The following DLG2 variants were observed in gnomAD, a reference collection of about 807,000 sequenced individuals.
The protein encoded by DLG2 is discs large MAGUK scaffold protein 2.
DLG2 carries 45 observed loss-of-function variants against 132.5 expected under a neutral mutation model. That is an observed-to-expected ratio of 0.34 (90% confidence interval 0.27 to 0.44). DLG2 has a LOEUF of 0.44. Ranked by LOEUF, DLG2 falls within the 20% of genes least tolerant of loss-of-function variation. The probability of loss-of-function intolerance (pLI) is 1.00; values close to 1 mark genes in which losing one functional copy is unlikely to be tolerated. For missense variants in DLG2, 1,045 were observed against 1,196.9 expected (o/e 0.87, Z 1.87); for synonymous variants, 424 against 419.6 (o/e 1.01, Z -0.13).
At chr11:83,823,931 T>C (rs2051664745) in intron 17 of DLG2, among the ~76,000 whole-genome samples, 1 of 152,150 alleles carries the variant, frequency 6.6e-6, no homozygotes, top group Non-Finnish European at 1.5e-5. Flanking sequence ...CAGACATAAG[T>C]AAACTGCCAA....
At chr11:85,362,083 A>G (rs1184062210) in intron 3 of DLG2, among the ~76,000 whole-genome samples, 2 of 152,102 alleles carry the variant, frequency 1.3e-5, no homozygotes, top group Non-Finnish European at 2.9e-5. Context: ...GATCCTTCCA[A>G]GTAGCTGGGA....
intron 3 of DLG2, among the ~76,000 whole-genome samples, chr11:85,488,655 A>AGTATTTAAAGGG (rs2093487207): frequency 6.6e-6 from 1 of 152,210 alleles, no homozygotes; most frequent in African/African-American, 2.4e-5. Flanking sequence ...AATAAACAAG[A>AGTATTTAAAGGG]GTATTCCCAG....
Position 84,051,170 on chromosome 11 carries a change from T to C in DLG2, c.919+8145A>G, listed in dbSNP as rs542671624. ...GAGAAATAGGAACACTTTTACACTG[T>C]TGGTGGGAGTGTAAACTAGTTCAAC... On this transcript the variant is annotated intron_variant, in intron 11 of 27. Transcript: ENST00000376104. Among the ~76,000 whole-genome samples the C allele has an allele frequency of 2.6e-5, 4 of 152,080 alleles. No homozygotes were observed. In the East Asian group the frequency reaches 7.8e-4, roughly 30 times the overall value.
At chr11:83,910,675 T>C (rs924820815) in intron 15 of DLG2, among the ~76,000 whole-genome samples, 2 of 152,148 alleles carry the variant, frequency 1.3e-5, no homozygotes, top group Admixed American at 1.3e-4. Flanking sequence ...ATATGTACAA[T>C]TATTAATACT....
chr11:85,413,697 G>C (rs2089552429), intron 3 of DLG2, among the ~76,000 whole-genome samples: 1 of 151,772 alleles, frequency 6.6e-6, no homozygotes, highest in African/African-American at 2.4e-5. Context: ...TTGCTTTGTT[G>C]ACGATCAGTT....
chr11:84,795,354 C>T (rs1237269076), intron 6 of DLG2, among the ~76,000 whole-genome samples: 2 of 152,040 alleles, frequency 1.3e-5, no homozygotes, highest in African/African-American at 2.4e-5. Context: ...ACAGGAGCTA[C>T]CCACTGTGGG....
At chr11:83,868,366 G>T (rs1462508901) in intron 16 of DLG2, among the ~76,000 whole-genome samples, 1 of 151,978 alleles carries the variant, frequency 6.6e-6, no homozygotes, top group African/African-American at 2.4e-5. Flanking sequence ...AAATCTTTTT[G>T]GGGGGAGCAG....
intron 6 of DLG2, among the ~76,000 whole-genome samples, chr11:84,821,634 A>T (rs2153983754): frequency 7.9e-6 from 1 of 127,306 alleles, no homozygotes; most frequent in Middle Eastern, 3.9e-3. Context: ...ATGTAAAAAA[A>T]AAAAAAACAA....
chr11:84,451,105 A>G (rs1478875283), intron 7 of DLG2, among the ~76,000 whole-genome samples: 1 of 151,890 alleles, frequency 6.6e-6, no homozygotes, highest in Admixed American at 6.6e-5. Flanking sequence ...TCAAGCAGCT[A>G]AAGAGTTGAG....
intron 3 of DLG2, among the ~76,000 whole-genome samples, chr11:85,498,149 G>A (rs561450330): frequency 1.3e-5 from 2 of 152,190 alleles, no homozygotes; most frequent in East Asian, 1.9e-4. Context: ...AAAATAAAGA[G>A]TCAAGAACCA....
chr11:83,855,536 C>T (rs1302540741), intron 16 of DLG2, among the ~76,000 whole-genome samples: 1 of 152,012 alleles, frequency 6.6e-6, no homozygotes, highest in Non-Finnish European at 1.5e-5. Context: ...ATGGAGGAAA[C>T]TTAAATGCAT....
intron 3 of DLG2, among the ~76,000 whole-genome samples, chr11:85,511,043 TA>T (rs1166286201): frequency 6.6e-6 from 1 of 151,986 alleles, no homozygotes; most frequent in East Asian, 1.9e-4. Flanking sequence ...TATGCAGCCA[TA>T]AAAAATGATG....
rs139368417 is a variant in DLG2, at chr11:83,557,071, T to C, written c.1941-15213A>G. 5.9e-5 allele frequency among the ~76,000 whole-genome samples: 9 copies of C among 152,276 alleles called. No homozygotes were observed. In the East Asian group the frequency reaches 1.5e-3, roughly 26 times the overall value. On this transcript the variant is annotated intron_variant, in intron 19 of 27. Coordinates refer to ENST00000376104, the MANE Select transcript of DLG2 (RefSeq NM_001142699.3). Reference sequence around the variant, plus strand: ...AACTGGCCTATGTCCCTTTATTTGTTCTCTGTTTTCTCTTCTTACCTGGGT... The same window carrying C: ...AACTGGCCTATGTCCCTTTATTTGTCCTCTGTTTTCTCTTCTTACCTGGGT...
chr11:84,622,762 T>C (rs1036325127), intron 6 of DLG2, among the ~76,000 whole-genome samples: 3 of 152,154 alleles, frequency 2.0e-5, no homozygotes, highest in Non-Finnish European at 2.9e-5. Flanking sequence ...ACTATGGCTA[T>C]AGCTTAGAAT....
At chr11:85,096,058 G>A (rs773309710) in intron 6 of DLG2, among the ~76,000 whole-genome samples, 2 of 152,104 alleles carry the variant, frequency 1.3e-5, no homozygotes, top group South Asian at 2.1e-4. Flanking sequence ...GATTGTAAAC[G>A]TACCAATCAG....
At chr11:84,550,378 G>A (rs1190606561) in intron 6 of DLG2, among the ~76,000 whole-genome samples, 1 of 151,984 alleles carries the variant, frequency 6.6e-6, no homozygotes, top group African/African-American at 2.4e-5. Context: ...CACACCTCTA[G>A]CTAGGTCAAC....
intron 6 of DLG2, among the ~76,000 whole-genome samples, chr11:85,086,967 CTT>C (rs1413957416): frequency 6.6e-6 from 1 of 152,080 alleles, no homozygotes; most frequent in Non-Finnish European, 1.5e-5. Context: ...TTTTAAATAT[CTT>C]TGTGTTCATT....
chr11:84,710,297 G>A lies in DLG2; in HGVS notation c.358-175566C>T, dbSNP rs533955905. 2.8e-4 allele frequency among the ~76,000 whole-genome samples: 42 copies of A among 152,008 alleles called. 1 individual carries two copies. Among genetic ancestry groups the A allele is most frequent in the African/African-American group, 9.6e-4 (40 of 41,484 alleles). On this transcript the variant is annotated intron_variant, in intron 6 of 27. Coordinates refer to ENST00000376104, the MANE Select transcript of DLG2 (RefSeq NM_001142699.3). ...AGGCAGGAACTATTTTACCGTATTTGAGCATTAACCTGAGGTGCCCACTAT... is the reference window on the plus strand; with the variant it reads ...AGGCAGGAACTATTTTACCGTATTTAAGCATTAACCTGAGGTGCCCACTAT...
chr11:85,139,442 G>A (rs560370453), intron 5 of DLG2, among the ~76,000 whole-genome samples: 1 of 151,906 alleles, frequency 6.6e-6, no homozygotes, highest in Non-Finnish European at 1.5e-5. Context: ...ACTAACAATA[G>A]TATTTACAAA....
Sources: allele counts gnomAD v4.1 joint callset (sites outside exome capture counted in the v4.1 genomes callset), GRCh38; gene constraint gnomAD v4.1.1; transcripts MANE v1.5; gene names NCBI Gene and HGNC (gene_info 2026-07-23, HGNC 2026-07-21).